Variants in ADAMTS2 observed in about 807,000 individuals in gnomAD.
The protein encoded by ADAMTS2 is ADAM metallopeptidase with thrombospondin type 1 motif 2.
ADAMTS2 carries 50 observed loss-of-function variants against 123.0 expected under a neutral mutation model. The observed-to-expected ratio is 0.41, with a 90% CI of 0.32 to 0.51. ADAMTS2 has a LOEUF of 0.51. Among genes scored for constraint, ADAMTS2 ranks in the 20% least tolerant of loss-of-function variants. ADAMTS2 has a pLI of 0.35. For missense variants in ADAMTS2, 1,494 were observed against 1,705.2 expected (o/e 0.88, Z 2.18); for synonymous variants, 678 against 695.4 (o/e 0.98, Z 0.39).
chr5:179,223,342 A>G (rs1295445074), intron 3 of ADAMTS2, among the ~76,000 whole-genome samples: 1 of 145,400 alleles, frequency 6.9e-6, no homozygotes, highest in East Asian at 1.9e-4. Context: ...ATGCACTCAT[A>G]TACACACGAA....
chr5:179,266,728 A>AC (rs1054951985), intron 3 of ADAMTS2, among the ~76,000 whole-genome samples: 2 of 151,958 alleles, frequency 1.3e-5, no homozygotes, highest in African/African-American at 4.8e-5. Flanking sequence ...GCAAATTGGC[A>AC]CCCCCCAACA....
rs867900284 is a variant in ADAMTS2 at position 179,216,371 on chromosome 5, G to A, written c.689-8656C>T. ...GCTTGGCCATGTGCCGATGAGGGGC[G>A]CTCCCCTCCTCTGCTGAGGACGCAC... On this transcript the variant is annotated intron_variant, in intron 3 of 21. Coordinates refer to ENST00000251582, the MANE Select transcript of ADAMTS2 (RefSeq NM_014244.5). Among the ~76,000 whole-genome samples the A allele has an allele frequency of 7.9e-5, 12 of 152,318 alleles. No individual in the cohort carries two copies. The South Asian group carries it at 2.1e-3, about 26-fold the overall frequency.
intron 2 of ADAMTS2, among the ~76,000 whole-genome samples, chr5:179,279,620 T>C (rs1766836209): frequency 1.3e-5 from 2 of 152,144 alleles, no homozygotes; most frequent in South Asian, 4.1e-4. Context: ...CTCTCCCAGC[T>C]CCCCAGGGAG....
intron 2 of ADAMTS2, among the ~76,000 whole-genome samples, chr5:179,310,835 G>C (rs1210482319): frequency 6.6e-6 from 1 of 152,154 alleles, no homozygotes; most frequent in Non-Finnish European, 1.5e-5. Flanking sequence ...AGTCCTCCTG[G>C]GGACAGTGAA....
rs1478900828 is a variant in ADAMTS2, at chr5:179,317,833, A to G, written c.534+25934T>C. Among the ~76,000 whole-genome samples, 2 of 152,172 alleles carry G rather than the reference A, an allele frequency of 1.3e-5. No homozygotes were observed. The highest frequency in any genetic ancestry group is 2.9e-5 in the Non-Finnish European group (2 of 68,012). On this transcript the variant is annotated intron_variant, in intron 2 of 21. Transcript: ENST00000251582. The surrounding 1 kb of genome is among the most constrained non-coding windows in gnomAD (Gnocchi z 4.9). ...GGAGCAGACGTACAGGATGGAGGGT[A>G]GAGGTGGGGCTGGTCCACAGTGAGG...
chr5:179,265,693 C>T (rs1053950951), intron 3 of ADAMTS2, among the ~76,000 whole-genome samples: 1 of 152,226 alleles, frequency 6.6e-6, no homozygotes, highest in African/African-American at 2.4e-5. Context: ...CCAGCGCCGG[C>T]CCCCGCCCAC....
intron 1 of ADAMTS2, among the ~76,000 whole-genome samples, chr5:179,344,422 C>G (rs1336327091): frequency 6.6e-6 from 1 of 152,216 alleles, no homozygotes; most frequent in African/African-American, 2.4e-5. Context: ...AGCTCTGCCC[C>G]CTGCCCCGTT....
intron 4 of ADAMTS2, among the ~76,000 whole-genome samples, chr5:179,182,146 G>A (rs959618326): frequency 6.6e-6 from 1 of 152,218 alleles, no homozygotes; most frequent in African/African-American, 2.4e-5. Context: ...CACAAGGTGT[G>A]TTATTTCTGG....
At position 179,185,351 on chromosome 5, in the gene ADAMTS2, G is replaced by C. The variant is rs1164783734; in HGVS notation, c.892-4196C>G. ...TGAGGGATGATGTGGATTGGAATAG[G>C]GGTCATCTGCCCCGCCTGAGCAGGG... On this transcript the variant is annotated intron_variant, in intron 4 of 21. Transcript: ENST00000251582. This position sits in a 1 kb window ranked among gnomAD's most constrained non-coding sequence, Gnocchi z 5.9. 1.3e-5 allele frequency among the ~76,000 whole-genome samples: 2 copies of C among 152,134 alleles called. No homozygotes were observed. The highest frequency in any genetic ancestry group is 2.9e-5 in the Non-Finnish European group (2 of 68,000).
At chr5:179,182,699 C>T (rs1764075008) in intron 4 of ADAMTS2, among the ~76,000 whole-genome samples, 1 of 152,202 alleles carries the variant, frequency 6.6e-6, no homozygotes. Flanking sequence ...AGCAAATCTA[C>T]ATCTGATTGT....
At chr5:179,337,318 T>C (rs57355037) in intron 2 of ADAMTS2, among the ~76,000 whole-genome samples, 3,472 of 151,930 alleles carry the variant, frequency 0.023, 132 homozygotes, top group African/African-American at 0.079. Context: ...GAGAAATACA[T>C]AAACACATGC....
intron 2 of ADAMTS2, among the ~76,000 whole-genome samples, chr5:179,311,530 G>A (rs186212816): frequency 4.5e-4 from 68 of 152,222 alleles, no homozygotes; most frequent in Admixed American, 9.8e-4. Context: ...CTTCTCCTTC[G>A]CCCACTTCCT....
intron 3 of ADAMTS2, among the ~76,000 whole-genome samples, chr5:179,268,763 G>A (rs534792797): frequency 6.6e-6 from 1 of 152,342 alleles, no homozygotes; most frequent in Admixed American, 6.5e-5. Flanking sequence ...CTGTGCCTCT[G>A]GGCTATATGC....
At chr5:179,292,364 G>A (rs1561696697) in intron 2 of ADAMTS2, among the ~76,000 whole-genome samples, 1 of 151,314 alleles carries the variant, frequency 6.6e-6, no homozygotes. Flanking sequence ...ATATAAATAT[G>A]AAATTAGCTG....
intron 2 of ADAMTS2, among the ~76,000 whole-genome samples, chr5:179,296,506 C>T (rs1317582147): frequency 6.6e-6 from 1 of 152,124 alleles, no homozygotes; most frequent in Non-Finnish European, 1.5e-5. Context: ...TGGGGCTGGA[C>T]CCAGCAATTC....
chr5:179,169,748 C>G (rs1312212023), intron 5 of ADAMTS2, among the ~76,000 whole-genome samples: 1 of 152,198 alleles, frequency 6.6e-6, no homozygotes, highest in African/African-American at 2.4e-5. Context: ...GTGGGCACAC[C>G]AAGCCCCCAC....
At chr5:179,154,619 C>T (rs1763432566) in intron 7 of ADAMTS2, among the ~76,000 whole-genome samples, 195 bp downstream of exon 7, 1 of 152,228 alleles carries the variant, frequency 6.6e-6, no homozygotes, top group Admixed American at 6.5e-5. Context: ...GCAAGCCCTT[C>T]CTCCTTCAAT....
At chr5:179,299,029 C>T (rs1756422727) in intron 2 of ADAMTS2, among the ~76,000 whole-genome samples, 1 of 152,014 alleles carries the variant, frequency 6.6e-6, no homozygotes, top group South Asian at 2.1e-4. Context: ...AGTTCACAAC[C>T]TTCTTAATTA....
chr5:179,178,633 A>C (rs1763981049), intron 5 of ADAMTS2, among the ~76,000 whole-genome samples: 1 of 152,222 alleles, frequency 6.6e-6, no homozygotes, highest in African/African-American at 2.4e-5. Flanking sequence ...TAGATTAAAT[A>C]GGTCAGAGGG....
Sources: gnomAD v4.1 joint callset for allele counts (sites outside exome capture counted in the v4.1 genomes callset) on GRCh38, gnomAD v4.1.1 for gene constraint, Gnocchi (gnomAD v3.1) non-coding constraint, MANE v1.5 for transcripts, NCBI Gene and HGNC (gene_info 2026-07-23, HGNC 2026-07-21) for gene names.